Variants in MKLN1 observed in about 807,000 individuals in gnomAD.
The protein encoded by MKLN1 is muskelin 1, also known as muskelin.
MKLN1 carries 18 observed loss-of-function variants against 99.0 expected under a neutral mutation model. That is an observed-to-expected ratio of 0.18 (90% CI 0.13 to 0.27). The LOEUF is 0.27. MKLN1 is among the 10% of genes least tolerant of loss of function. MKLN1 has a pLI of 1.00. For synonymous variants in MKLN1, 288 were observed against 293.2 expected, an observed-to-expected ratio of 0.98 and a Z score of 0.18; for missense variants, 621 against 875.9, an observed-to-expected ratio of 0.71 and a Z score of 3.67.
At chr7:131,298,002 G>A (rs930736362) in intron 3 of MKLN1, among the ~76,000 whole-genome samples, 12 of 152,144 alleles carry the variant, frequency 7.9e-5, no homozygotes, top group African/African-American at 2.9e-4. Flanking sequence ...TACACATGAC[G>A]GCCGGGCGCG....
intron 1 of MKLN1, among the ~76,000 whole-genome samples, chr7:131,131,706 G>A (rs948336293): frequency 3.3e-5 from 5 of 152,108 alleles, no homozygotes; most frequent in Non-Finnish European, 7.3e-5. Context: ...TTGGTTATTG[G>A]CTCCTGTTAT....
At chr7:131,360,434 C>G (rs1799996641) in intron 1 of MKLN1, among the ~76,000 whole-genome samples, 1 of 152,136 alleles carries the variant, frequency 6.6e-6, no homozygotes, top group African/African-American at 2.4e-5. Flanking sequence ...TTTCTCATCT[C>G]TTAGCATATC....
At chr7:131,205,358 T>C (rs1796794125) in intron 3 of MKLN1, among the ~76,000 whole-genome samples, 1 of 152,256 alleles carries the variant, frequency 6.6e-6, no homozygotes, top group African/African-American at 2.4e-5. Context: ...TTAAAACATA[T>C]TAATTAAATC....
intron 1 of MKLN1, among the ~76,000 whole-genome samples, chr7:131,346,061 A>G (rs1799550500): frequency 1.3e-5 from 2 of 152,190 alleles, no homozygotes; most frequent in Non-Finnish European, 2.9e-5. Context: ...CCTATAAGTA[A>G]AATTACATTT....
In MKLN1 at chr7:131,161,611, G is replaced by T. The variant is rs528200406; in HGVS notation, c.-297+18670G>T. On this transcript the variant is annotated intron_variant, in intron 2 of 7. Coordinates refer to the MKLN1 transcript ENST00000416992. ...CTGTCGCCCAGGCTGGAGTGCAGTG[G>T]TGCGATCTCGGCTCACTGCAAGCTC... is the stretch of plus-strand genomic sequence containing the variant. Among the ~76,000 whole-genome samples the T allele has an allele frequency of 3.7e-4, 56 of 152,254 alleles. 2 individuals are homozygous for T. The South Asian group carries it at 0.011, about 31-fold the overall frequency.
In MKLN1 at chr7:131,205,092, C is replaced by T. The variant is rs1003003112; in HGVS notation, c.-179+2118C>T. On this transcript the variant is annotated intron_variant, in intron 3 of 7. Coordinates refer to the MKLN1 transcript ENST00000416992. ...CAGCCTGGGCAACAGAACAAGACTC[C>T]GTCTCAAAAAAAAAAAAGAAAAAGA... Among the ~76,000 whole-genome samples, 16 of 137,304 alleles carry T rather than the reference C, an allele frequency of 1.2e-4. No individual in the cohort carries two copies. In the East Asian group the frequency reaches 1.2e-3, roughly 10 times the overall value. 90.1% of individuals were successfully genotyped at this position (137,304 alleles called of 152,430 possible).
Position 131,489,198 on chromosome 7 carries a change from C to T in MKLN1, c.*1470C>T, listed in dbSNP as rs1231456645. On this transcript the variant is annotated 3_prime_UTR_variant, in exon 18 of 18. Coordinates refer to ENST00000352689, the MANE Select transcript of MKLN1 (RefSeq NM_013255.5). Reference sequence around the variant, plus strand: ...TGTATAGGAATGAAACATTGAGGTCCCACTTTATTCTGTCTTTAGTACATG... The same window carrying T: ...TGTATAGGAATGAAACATTGAGGTCTCACTTTATTCTGTCTTTAGTACATG... 2.0e-5 allele frequency: 3 copies of T among 151,966 alleles called. No homozygotes were observed. Among genetic ancestry groups the T allele is most frequent in the South Asian group, 2.1e-4 (1 of 4,820 alleles). 9.4% of individuals were successfully genotyped at this position (151,966 alleles called of 1,614,324 possible).
chr7:131,313,968 C>A (rs1412082569), intron 3 of MKLN1, among the ~76,000 whole-genome samples: 4 of 152,230 alleles, frequency 2.6e-5, no homozygotes, highest in Non-Finnish European at 5.9e-5. Context: ...GGCTATGCAA[C>A]ACTTTCATGG....
chr7:131,473,043 G>A (rs1425862781), intron 16 of MKLN1, among the ~76,000 whole-genome samples: 1 of 151,532 alleles, frequency 6.6e-6, no homozygotes, highest in Non-Finnish European at 1.5e-5. Context: ...AAACATTCCT[G>A]ACATTGAGAA....
chr7:131,209,581 GGAACA>G (rs1303074095), intron 3 of MKLN1, among the ~76,000 whole-genome samples: 1 of 152,164 alleles, frequency 6.6e-6, no homozygotes, highest in African/African-American at 2.4e-5. Flanking sequence ...AGGTTGGCTG[GGAACA>G]AGAAGTGTAG....
At chr7:131,434,834 A>C (rs1415813555) in intron 9 of MKLN1, among the ~76,000 whole-genome samples, 3 of 152,194 alleles carry the variant, frequency 2.0e-5, no homozygotes, top group Non-Finnish European at 4.4e-5. Flanking sequence ...ATGGGGTTAC[A>C]GGCATGAGCC....
At chr7:131,426,968 T>C (rs889733458) in intron 8 of MKLN1, among the ~76,000 whole-genome samples, 11 of 152,152 alleles carry the variant, frequency 7.2e-5, no homozygotes, top group Admixed American at 3.9e-4. Flanking sequence ...TTGACCAGGC[T>C]GGTCTCAAAC....
At chr7:131,294,707 T>G (rs1223145671) in intron 3 of MKLN1, among the ~76,000 whole-genome samples, 3 of 152,186 alleles carry the variant, frequency 2.0e-5, no homozygotes, top group Admixed American at 2.0e-4. Flanking sequence ...TGTCTTCCTT[T>G]CCCTTGTGTA....
chr7:131,253,337 C>T (rs1204287546), intron 3 of MKLN1, among the ~76,000 whole-genome samples: 1 of 152,114 alleles, frequency 6.6e-6, no homozygotes, highest in East Asian at 1.9e-4. Context: ...CATTATCTCC[C>T]TGGGGAGGGG....
chr7:131,221,774 G>A (rs2551810), intron 3 of MKLN1, among the ~76,000 whole-genome samples: 1 of 151,276 alleles, frequency 6.6e-6, no homozygotes, highest in African/African-American at 2.4e-5. Flanking sequence ...ACCCACCTTA[G>A]CCTCCCGAAG....
chr7:131,166,793 C>T (rs1487889002), intron 2 of MKLN1, among the ~76,000 whole-genome samples: 1 of 152,184 alleles, frequency 6.6e-6, no homozygotes, highest in Non-Finnish European at 1.5e-5. Context: ...TCAAGTGACT[C>T]TCCTGCCTCA....
intron 14 of MKLN1, 94 bp from the exon 15 acceptor site, chr7:131,466,182 A>G: frequency 2.4e-6 from 2 of 826,038 alleles, no homozygotes; most frequent in Middle Eastern, 2.6e-4. Flanking sequence ...TTTTATTTGA[A>G]TGGGCTCAGG....
rs1186136055 is a variant in MKLN1 at position 131,456,050 on chromosome 7, CCA to C, written c.1526-7166_1526-7165del. Among the ~76,000 whole-genome samples the C allele has an allele frequency of 6.6e-3, 993 of 150,896 alleles. 9 individuals are homozygous for C. The highest frequency in any genetic ancestry group is 0.022 in the African/African-American group (921 of 41,224). ...GACAGAGTGAGACTCTGTCTCCAAA[CCA>C]AAAAAAAAAGAGAAAAGAAACTGTT... is the stretch of plus-strand genomic sequence containing the variant. On this transcript the variant is annotated intron_variant, in intron 12 of 17. Coordinates refer to ENST00000352689, the MANE Select transcript of MKLN1 (RefSeq NM_013255.5).
At chr7:131,260,150 A>G (rs1584873755) in intron 3 of MKLN1, among the ~76,000 whole-genome samples, 1 of 151,924 alleles carries the variant, frequency 6.6e-6, no homozygotes, top group South Asian at 2.1e-4. Context: ...AGCTCAAGCA[A>G]TTCTGCCCCA....
Sources: allele counts gnomAD v4.1 joint callset (sites outside exome capture counted in the v4.1 genomes callset), GRCh38; gene constraint gnomAD v4.1.1; transcripts MANE v1.5; gene names NCBI Gene and HGNC (gene_info 2026-07-23, HGNC 2026-07-21).